CYSLTR1: variants seen among roughly 807,000 people sequenced by gnomAD.
The protein encoded by CYSLTR1 is cysteinyl leukotriene receptor 1.
Under a neutral mutation model 2.1 loss-of-function variants are expected in CYSLTR1, and 1 was observed. The observed-to-expected ratio is 0.48, with a 90% confidence interval of 0.17 to 2.28. The LOEUF is 2.28. Among genes scored for constraint, CYSLTR1 ranks in the 30% most tolerant of loss-of-function variants. The pLI, the probability that CYSLTR1 is intolerant of heterozygous loss-of-function variation, is 0.26. For synonymous variants in CYSLTR1, 110 were observed against 89.6 expected (o/e 1.23, Z -1.28); for missense variants, 299 against 250.1 (o/e 1.20, Z -1.32).
intron 1 of CYSLTR1, chrX:78,320,382 C>T (rs1476421698): frequency 9.0e-6 from 1 of 111,562 alleles, no homozygotes; most frequent in Non-Finnish European, 1.9e-5. Context: ...TTCCCCATTG[C>T]TTGTTTTTTG....
chrX:78,290,746 G>A, intron 1 of CYSLTR1, among the ~76,000 whole-genome samples: 1 of 111,480 alleles, frequency 9.0e-6, no homozygotes, highest in East Asian at 2.8e-4. Flanking sequence ...CTCATGATTT[G>A]GCTCTCTGTT....
chrX:78,286,022 G>A (rs1244144563), intron 1 of CYSLTR1, among the ~76,000 whole-genome samples: 1 of 111,978 alleles, frequency 8.9e-6, no homozygotes, highest in Non-Finnish European at 1.9e-5. Context: ...ATTCAGTTCA[G>A]GTTAACAAAT....
chrX:78,322,280 C>G (rs140501760), intron 1 of CYSLTR1, among the ~76,000 whole-genome samples: 141 of 112,112 alleles, frequency 1.3e-3, no homozygotes, highest in African/African-American at 4.5e-3. Flanking sequence ...TCTTTTGATA[C>G]AGTAGACACT....
chrX:78,292,665 A>G (rs1922397195), intron 1 of CYSLTR1, among the ~76,000 whole-genome samples: 1 of 111,704 alleles, frequency 9.0e-6, no homozygotes. Flanking sequence ...TATTGGAGGC[A>G]TATATATTTA....
At chrX:78,322,371 A>G (rs1289984449) in intron 1 of CYSLTR1, among the ~76,000 whole-genome samples, 1 of 112,379 alleles carries the variant, frequency 8.9e-6, no homozygotes, top group Admixed American at 9.4e-5. Context: ...AAAGCTCTTT[A>G]AAATGTAAAT....
chrX:78,309,504 G>A (rs762923584), intron 1 of CYSLTR1, among the ~76,000 whole-genome samples: 13 of 111,820 alleles, frequency 1.2e-4, no homozygotes, highest in South Asian at 7.5e-4. Flanking sequence ...TGGTGTTCAG[G>A]CTTTCACAAG....
chrX:78,295,450 T>C (rs1263274092), intron 1 of CYSLTR1, among the ~76,000 whole-genome samples: 2 of 108,828 alleles, frequency 1.8e-5, no homozygotes, highest in Non-Finnish European at 3.8e-5. Flanking sequence ...CTATTTTTGG[T>C]TTTTTGAGGA....
chrX:78,279,066 G>A (rs941348259), intron 2 of CYSLTR1, among the ~76,000 whole-genome samples: 7 of 111,859 alleles, frequency 6.3e-5, no homozygotes, highest in Non-Finnish European at 1.3e-4. Context: ...ATTTCATGAC[G>A]AAAACATCAA....
intron 2 of CYSLTR1, among the ~76,000 whole-genome samples, chrX:78,282,386 A>G (rs1166996987): frequency 1.8e-5 from 2 of 112,518 alleles, no homozygotes; most frequent in Admixed American, 1.9e-4. Flanking sequence ...TATCTTGCCC[A>G]TAAATGCTCA....
At chrX:78,312,400 C>T (rs1603411891) in intron 1 of CYSLTR1, among the ~76,000 whole-genome samples, 1 of 111,828 alleles carries the variant, frequency 8.9e-6, no homozygotes, top group Non-Finnish European at 1.9e-5. Flanking sequence ...ACACCCTTCT[C>T]AAGATTGATT....
At chrX:78,291,628 C>T (rs1250797053) in intron 1 of CYSLTR1, among the ~76,000 whole-genome samples, 1 of 110,927 alleles carries the variant, frequency 9.0e-6, no homozygotes. Context: ...TAATTATTGC[C>T]TCAATTTCTG....
At chrX:78,300,480 A>G (rs1412554388) in intron 1 of CYSLTR1, among the ~76,000 whole-genome samples, 2 of 112,857 alleles carry the variant, frequency 1.8e-5, no homozygotes, top group South Asian at 3.6e-4. Flanking sequence ...GGGTGTTGAA[A>G]TCTAAACTGT....
chrX:78,277,162 C>T (rs2149182013), intron 2 of CYSLTR1, among the ~76,000 whole-genome samples: 1 of 111,318 alleles, frequency 9.0e-6, no homozygotes, highest in African/African-American at 3.3e-5. Context: ...CCATACTCCT[C>T]TAAGTAGCTT....
intron 2 of CYSLTR1, among the ~76,000 whole-genome samples, chrX:78,275,322 A>G (rs1354600677): frequency 1.9e-4 from 21 of 112,169 alleles, no homozygotes; most frequent in African/African-American, 6.5e-4. Context: ...AAGACTTGGA[A>G]CCAAACCAAA....
chrX:78,281,634 G>T (rs928960406), intron 2 of CYSLTR1, among the ~76,000 whole-genome samples: 1 of 111,165 alleles, frequency 9.0e-6, no homozygotes, highest in Non-Finnish European at 1.9e-5. Context: ...GTATTTCATT[G>T]TGGTTTTGAA....
At chrX:78,276,284 T>G (rs929502979) in intron 2 of CYSLTR1, among the ~76,000 whole-genome samples, 1 of 112,095 alleles carries the variant, frequency 8.9e-6, no homozygotes, top group Non-Finnish European at 1.9e-5. Context: ...CATATTTCTC[T>G]AGATTATCCT....
intron 1 of CYSLTR1, among the ~76,000 whole-genome samples, chrX:78,288,597 G>A (rs749429417): frequency 5.4e-5 from 6 of 110,882 alleles, no homozygotes; most frequent in Non-Finnish European, 9.5e-5. Flanking sequence ...CATAATAGCT[G>A]TATATATTTA....
At chrX:78,299,515 G>A (rs1282762428) in intron 1 of CYSLTR1, among the ~76,000 whole-genome samples, 1 of 109,561 alleles carries the variant, frequency 9.1e-6, no homozygotes, top group Admixed American at 9.7e-5. Context: ...GTCTGGGAAA[G>A]TCTTTATTTC....
chrX:78,290,339 G>C lies in CYSLTR1; in HGVS notation c.-114-6799C>G, dbSNP rs757137187. 5.4e-5 allele frequency among the ~76,000 whole-genome samples: 6 copies of C among 111,817 alleles called. No individual in the cohort carries two copies. The South Asian group carries it at 1.1e-3, about 21-fold the overall frequency. On this transcript the variant is annotated intron_variant, in intron 1 of 2. Coordinates refer to ENST00000373304, the MANE Select transcript of CYSLTR1 (RefSeq NM_006639.4). ...GGTCTGTATACCTGTTTTGGTACCA[G>C]AACCATGCTGTTTTGGTTACTGTAG...
Sources: gnomAD v4.1 joint callset for allele counts (sites outside exome capture counted in the v4.1 genomes callset) on GRCh38, gnomAD v4.1.1 for gene constraint, MANE v1.5 for transcripts, NCBI Gene and HGNC (gene_info 2026-07-23, HGNC 2026-07-21) for gene names.